Variants in KANSL1L observed in about 807,000 individuals in gnomAD.
The protein encoded by KANSL1L is KAT8 regulatory NSL complex subunit 1-like protein.
In KANSL1L, 25 loss-of-function variants were observed where a neutral mutation model predicts 108.6. That is an observed-to-expected ratio of 0.23 (90% CI 0.17 to 0.32). The LOEUF (loss-of-function observed/expected upper bound fraction) is 0.32, where lower values mean the gene tolerates loss of function less well. KANSL1L is among the 10% of genes least tolerant of loss of function. The pLI is 1.00. For missense variants in KANSL1L, 1,137 were observed against 1,125.7 expected (o/e 1.01, Z -0.14); for synonymous variants, 405 against 395.1 (o/e 1.03, Z -0.30).
At chr2:210,025,776 GCAGTCATAGCTCACTGCAGC>G (rs1339072920) in intron 12 of KANSL1L, among the ~76,000 whole-genome samples, 15 of 152,148 alleles carry the variant, frequency 9.9e-5, no homozygotes, top group Admixed American at 1.3e-4. Context: ...GTGCAGTGGT[GCAGTCATAGCTCACTGCAGC>G]CTTGAACTTC....
At chr2:210,141,348 C>T (rs561622669) in intron 2 of KANSL1L, among the ~76,000 whole-genome samples, 1 of 152,060 alleles carries the variant, frequency 6.6e-6, no homozygotes, top group African/African-American at 2.4e-5. Context: ...ATGTTAAAAC[C>T]TAATTCCCAA....
chr2:210,145,376 G>T (rs1304500813), intron 2 of KANSL1L, among the ~76,000 whole-genome samples: 1 of 152,146 alleles, frequency 6.6e-6, no homozygotes, highest in Admixed American at 6.5e-5. Flanking sequence ...GTCTAGGGCT[G>T]AGGTGGCACC....
intron 9 of KANSL1L, chr2:210,030,684 A>G (rs2094004984): frequency 6.6e-6 from 1 of 151,938 alleles, no homozygotes; most frequent in Non-Finnish European, 1.5e-5. Context: ...ATTTGTTAAA[A>G]AAAAGTCCTT....
At chr2:210,053,092 G>A (rs1171157833) in intron 6 of KANSL1L, among the ~76,000 whole-genome samples, 1 of 152,192 alleles carries the variant, frequency 6.6e-6, no homozygotes, top group Non-Finnish European at 1.5e-5. Flanking sequence ...AGGGAAGCAT[G>A]AATGATAGCA....
chr2:210,172,401 A>G (rs1346771084), upstream of KANSL1L, among the ~76,000 whole-genome samples: 1 of 152,232 alleles, frequency 6.6e-6, no homozygotes, highest in Non-Finnish European at 1.5e-5. Flanking sequence ...CGGGGGCGGA[A>G]GAGGGGAGAA....
At chr2:210,137,616 T>C (rs1203662462) in intron 2 of KANSL1L, among the ~76,000 whole-genome samples, 1 of 152,224 alleles carries the variant, frequency 6.6e-6, no homozygotes, top group African/African-American at 2.4e-5. Context: ...TAAATGATCC[T>C]GATGCTTACA....
chr2:210,101,486 G>A (rs2094793435), intron 4 of KANSL1L, among the ~76,000 whole-genome samples: 1 of 152,132 alleles, frequency 6.6e-6, no homozygotes, highest in Non-Finnish European at 1.5e-5. Context: ...AATAAGTAGT[G>A]ACCTAAAGAT....
At chr2:210,155,805 T>C (rs1292444667) in intron 1 of KANSL1L, among the ~76,000 whole-genome samples, 1 of 152,238 alleles carries the variant, frequency 6.6e-6, no homozygotes, top group Non-Finnish European at 1.5e-5. Flanking sequence ...TAACCTGATA[T>C]GCCAAAATTT....
At chr2:210,029,990 A>AGAT (rs1281960662) in intron 9 of KANSL1L, 72 bp from the exon 10 acceptor site, 7 of 647,168 alleles carry the variant, frequency 1.1e-5, no homozygotes, top group Non-Finnish European at 1.8e-5. Flanking sequence ...TTTCCTAATT[A>AGAT]GATGACAGGT....
chr2:210,099,701 A>C (rs916258825), intron 4 of KANSL1L, among the ~76,000 whole-genome samples: 24 of 152,106 alleles, frequency 1.6e-4, no homozygotes, highest in Non-Finnish European at 1.0e-4. Flanking sequence ...CATCATCTAA[A>C]ATCTTTTAAG....
intron 1 of KANSL1L, among the ~76,000 whole-genome samples, chr2:210,170,881 C>T (rs1688297820): frequency 6.6e-6 from 1 of 151,942 alleles, no homozygotes; most frequent in Admixed American, 6.6e-5. Context: ...CGCCCCCACC[C>T]CTCCCTAGAC....
At position 210,024,045 on chromosome 2, in the gene KANSL1L, A is replaced by C. The variant is rs764071766; in HGVS notation, c.2721T>G (p.Ser907Arg). Reference sequence around the variant, plus strand: ...ATATTACACTTACCTTGGTTTCTTGACTTTGATTTAAAGAAGGTAAGCCAT... The same window carrying C: ...ATATTACACTTACCTTGGTTTCTTGCCTTTGATTTAAAGAAGGTAAGCCAT... The part of the protein sequence containing the change: ...CAYGLPSLNQ[S>R]QETKSLWWER... The change falls in exon 14 of 15, where the codon AGT becomes AGG. Residue 907 changes from serine (S) to arginine (R), a missense_variant. Physicochemically the swap from Ser to Arg is moderately radical, Grantham distance 110 (BLOSUM62 -1). Coordinates refer to ENST00000281772, the MANE Select transcript of KANSL1L (RefSeq NM_152519.4). The C allele has an allele frequency of 3.8e-6, 6 of 1,572,000 alleles. No individual in the cohort carries two copies. The South Asian group carries it at 7.1e-5, about 19-fold the overall frequency.
At chr2:210,032,946 T>C (rs190210374) in intron 8 of KANSL1L, 1 of 152,038 alleles carries the variant, frequency 6.6e-6, no homozygotes, top group African/African-American at 2.4e-5. Context: ...TCTGGAGAAA[T>C]GTCAGAAATA....
At chr2:210,039,903 G>T (rs1366320837) in intron 8 of KANSL1L, among the ~76,000 whole-genome samples, 1 of 151,606 alleles carries the variant, frequency 6.6e-6, no homozygotes, top group East Asian at 1.9e-4. Flanking sequence ...TTACTTCATT[G>T]ATCTATTTTC....
intron 1 of KANSL1L, among the ~76,000 whole-genome samples, chr2:210,164,171 T>G (rs1361151819): frequency 6.6e-6 from 1 of 152,178 alleles, no homozygotes; most frequent in East Asian, 1.9e-4. Context: ...AATCAATACA[T>G]AAACATCTTG....
chr2:210,025,045 A>G, intron 13 of KANSL1L, 59 bp downstream of exon 13: 1 of 1,058,452 alleles, frequency 9.4e-7, no homozygotes, highest in South Asian at 1.3e-5. Flanking sequence ...AAATTCATGC[A>G]GAGGTTTTGT....
intron 4 of KANSL1L, among the ~76,000 whole-genome samples, chr2:210,101,533 A>G (rs1485818026): frequency 6.6e-6 from 1 of 152,216 alleles, no homozygotes; most frequent in Admixed American, 6.5e-5. Flanking sequence ...CAAATGAATT[A>G]CTCTAGAATG....
At chr2:210,028,773 A>G in intron 11 of KANSL1L, 72 bp downstream of exon 11, 1 of 1,156,672 alleles carries the variant, frequency 8.6e-7, no homozygotes, top group South Asian at 1.5e-5. Context: ...ATTAATTAAA[A>G]TTCTTCACTT....
chr2:210,130,644 TTAAAAA>T, intron 2 of KANSL1L, among the ~76,000 whole-genome samples: 1 of 152,296 alleles, frequency 6.6e-6, no homozygotes, highest in South Asian at 2.1e-4. Context: ...AATTTGACAC[TTAAAAA>T]TCACATTTTC....
Sources: allele counts gnomAD v4.1 joint callset (sites outside exome capture counted in the v4.1 genomes callset), GRCh38; gene constraint gnomAD v4.1.1; transcripts MANE v1.5; gene names NCBI Gene and HGNC (gene_info 2026-07-23, HGNC 2026-07-21).